Variants in GRAMD2B observed in about 807,000 individuals in gnomAD.
The protein encoded by GRAMD2B is GRAM domain-containing protein 2B.
Under a neutral mutation model 59.2 loss-of-function variants are expected in GRAMD2B, and 41 were observed. The observed-to-expected ratio is 0.69, with a 90% confidence interval of 0.54 to 0.90. The LOEUF is 0.90. Ranked by LOEUF, GRAMD2B falls within the 40% of genes least tolerant of loss-of-function variation. The pLI is 0.00. For synonymous variants in GRAMD2B, 161 were observed against 182.7 expected, an observed-to-expected ratio of 0.88 and a Z score of 0.96; for missense variants, 424 against 500.5, an observed-to-expected ratio of 0.85 and a Z score of 1.46.
chr5:126,490,438 T>G (rs1443364105), intron 13 of GRAMD2B: 2 of 152,420 alleles, frequency 1.3e-5, no homozygotes, highest in East Asian at 3.9e-4. Flanking sequence ...TCAGGTCTTG[T>G]GCAGGGTTCA....
intron 1 of GRAMD2B, among the ~76,000 whole-genome samples, chr5:126,399,192 T>A (rs1757617721): frequency 6.6e-6 from 1 of 152,174 alleles, no homozygotes; most frequent in Admixed American, 6.5e-5. Flanking sequence ...GTAAGTGGGG[T>A]ATTGAGGTAT....
At chr5:126,408,526 T>C (rs1181223778) in intron 1 of GRAMD2B, among the ~76,000 whole-genome samples, 1 of 151,910 alleles carries the variant, frequency 6.6e-6, no homozygotes, top group Admixed American at 6.6e-5. Context: ...GTTGGTTGTT[T>C]TTTATTTTTT....
intron 1 of GRAMD2B, among the ~76,000 whole-genome samples, chr5:126,444,448 G>A (rs1436333102): frequency 6.6e-6 from 1 of 152,170 alleles, no homozygotes; most frequent in South Asian, 2.1e-4. Context: ...TTTGTTCTAA[G>A]AATTGGCAAG....
intron 1 of GRAMD2B, among the ~76,000 whole-genome samples, chr5:126,414,901 C>T (rs561950207): frequency 6.6e-6 from 1 of 152,212 alleles, no homozygotes; most frequent in African/African-American, 2.4e-5. Flanking sequence ...TAAGGTTTTG[C>T]AATTGGTTTA....
rs751193609 is a variant in GRAMD2B, at chr5:126,423,635, A to G, written c.29A>G (p.Asp10Gly). MTELQQDVEDTKPAKVLGKR... is the reference protein window; with the variant it reads MTELQQDVEGTKPAKVLGKR... ...ACTGAACTACAGCAAGATGTGGAAG[A>G]CACAAAGCCTGCGAAAGTGCTCGGG... The change falls in exon 1 of 14, where the codon GAC becomes GGC. Residue 10 changes from aspartate to glycine, a missense_variant. By Grantham distance (94) the Asp-to-Gly change is moderately conservative (BLOSUM62 -1). Transcript: ENST00000285689. 20 of 1,610,266 alleles carry G rather than the reference A, an allele frequency of 1.2e-5. No individual in the cohort carries two copies. The highest frequency in any genetic ancestry group is 2.5e-6 in the Non-Finnish European group (3 of 1,178,608).
At chr5:126,455,382 AC>A (rs1766094594) in intron 1 of GRAMD2B, among the ~76,000 whole-genome samples, 1 of 152,144 alleles carries the variant, frequency 6.6e-6, no homozygotes, top group Non-Finnish European at 1.5e-5. Flanking sequence ...TAGGAGTCAA[AC>A]TTCACAACTT....
intron 1 of GRAMD2B, chr5:126,371,619 G>C: frequency 8.0e-7 from 1 of 1,246,458 alleles, no homozygotes; most frequent in South Asian, 1.3e-5. Flanking sequence ...GGTGGCCTCA[G>C]CTACCCAACT....
At chr5:126,406,655 C>T (rs1758291508) in intron 1 of GRAMD2B, among the ~76,000 whole-genome samples, 2 of 151,904 alleles carry the variant, frequency 1.3e-5, no homozygotes, top group South Asian at 2.1e-4. Flanking sequence ...ACAGAGCTTA[C>T]TTATTGGAGG....
chr5:126,476,008 TGAGGCAGGAGAATC>T lies in GRAMD2B; in HGVS notation c.487-1683_487-1670del, dbSNP rs1196881840. ...CTGTAATCCCAGCTACTAGGGAGGC[TGAGGCAGGAGAATC>T]ACTTGAACCCAGTGGGTGGAGGTTG... On this transcript the variant is annotated intron_variant, in intron 5 of 13. Transcript: ENST00000285689. 5.1e-4 allele frequency among the ~76,000 whole-genome samples: 78 copies of T among 152,298 alleles called. 2 individuals carry two copies. Among genetic ancestry groups the T allele is most frequent in the African/African-American group, 1.8e-3 (74 of 41,568 alleles).
At chr5:126,404,105 T>C (rs185733894) in intron 1 of GRAMD2B, among the ~76,000 whole-genome samples, 23 of 152,044 alleles carry the variant, frequency 1.5e-4, no homozygotes, top group African/African-American at 5.3e-4. Context: ...ATGGAAATGC[T>C]AATGTTAAAT....
At chr5:126,376,899 A>G (rs1001213108) in intron 1 of GRAMD2B, among the ~76,000 whole-genome samples, 2 of 152,082 alleles carry the variant, frequency 1.3e-5, no homozygotes, top group African/African-American at 4.8e-5. Context: ...CAGGAGGCAG[A>G]GAAAGAACAA....
At chr5:126,434,284 T>A (rs4836258) in intron 1 of GRAMD2B, among the ~76,000 whole-genome samples, 96,169 of 151,962 alleles carry the variant, frequency 0.63, 30,865 homozygotes, top group African/African-American at 0.73. Context: ...ATAAGTATTA[T>A]AAATTACTTT....
At chr5:126,417,154 G>C (rs946086324) in intron 1 of GRAMD2B, among the ~76,000 whole-genome samples, 3 of 152,202 alleles carry the variant, frequency 2.0e-5, no homozygotes, top group Non-Finnish European at 4.4e-5. Flanking sequence ...TAGTGAGTTG[G>C]TATTCACATC....
intron 1 of GRAMD2B, among the ~76,000 whole-genome samples, chr5:126,364,739 G>C (rs1418695692): frequency 6.6e-6 from 1 of 152,180 alleles, no homozygotes; most frequent in Non-Finnish European, 1.5e-5. Flanking sequence ...GTTCCTATTG[G>C]CTCTAAAACC....
intron 1 of GRAMD2B, among the ~76,000 whole-genome samples, chr5:126,365,460 C>A (rs982321186): frequency 6.6e-6 from 1 of 152,152 alleles, no homozygotes; most frequent in African/African-American, 2.4e-5. Context: ...CTATTGAAAT[C>A]AAGAATGCTG....
chr5:126,468,055 T>C (rs1039600561), intron 2 of GRAMD2B, among the ~76,000 whole-genome samples: 2 of 152,224 alleles, frequency 1.3e-5, no homozygotes, highest in Non-Finnish European at 2.9e-5. Flanking sequence ...GGAATAATAT[T>C]GTGAAATCAT....
intron 13 of GRAMD2B, among the ~76,000 whole-genome samples, chr5:126,492,403 T>A (rs922363353): frequency 1.3e-5 from 2 of 151,880 alleles, no homozygotes; most frequent in Non-Finnish European, 2.9e-5. Context: ...TTTTTTTTTT[T>A]AAGCCCTGTA....
intron 1 of GRAMD2B, among the ~76,000 whole-genome samples, chr5:126,425,302 A>G (rs1760422358): frequency 1.3e-5 from 2 of 152,368 alleles, no homozygotes; most frequent in South Asian, 2.1e-4. Context: ...GTGTCTATCA[A>G]TGGATAAAGG....
At chr5:126,417,531 C>A (rs1441475780) in intron 1 of GRAMD2B, among the ~76,000 whole-genome samples, 1 of 152,212 alleles carries the variant, frequency 6.6e-6, no homozygotes, top group Non-Finnish European at 1.5e-5. Context: ...TCAAACCCGG[C>A]CTTTATCTGA....
Sources: gnomAD v4.1 joint callset for allele counts (sites outside exome capture counted in the v4.1 genomes callset) on GRCh38, gnomAD v4.1.1 for gene constraint, MANE v1.5 for transcripts, NCBI Gene and HGNC (gene_info 2026-07-23, HGNC 2026-07-21) for gene names.